The following CADPS2 variants were observed in gnomAD, a reference collection of about 807,000 sequenced individuals.
CADPS2 encodes calcium-dependent secretion activator 2.
Under a neutral mutation model 172.5 loss-of-function variants are expected in CADPS2, and 93 were observed. The observed-to-expected ratio is 0.54, with a 90% CI of 0.46 to 0.64. The LOEUF (loss-of-function observed/expected upper bound fraction) is 0.64, where lower values mean the gene tolerates loss of function less well. Among genes scored for constraint, CADPS2 ranks in the 30% least tolerant of loss-of-function variants. The pLI, the probability that CADPS2 is intolerant of heterozygous loss-of-function variation, is 0.00. For synonymous variants in CADPS2, 546 were observed against 555.2 expected (o/e 0.98, Z 0.23); for missense variants, 1,420 against 1,565.9 (o/e 0.91, Z 1.57).
At chr7:122,455,206 T>G (rs1271331248) in intron 14 of CADPS2, among the ~76,000 whole-genome samples, 3 of 152,122 alleles carry the variant, frequency 2.0e-5, no homozygotes, top group Non-Finnish European at 4.4e-5. Context: ...CCTTTGCAAG[T>G]GCTGCTGCTT....
At chr7:122,498,388 T>C (rs1294732729) in intron 9 of CADPS2, among the ~76,000 whole-genome samples, 1 of 152,228 alleles carries the variant, frequency 6.6e-6, no homozygotes, top group Admixed American at 6.5e-5. Flanking sequence ...CATGACTATA[T>C]CAATTTAAAA....
intron 2 of CADPS2, among the ~76,000 whole-genome samples, chr7:122,731,030 C>T (rs566634839): frequency 2.0e-5 from 3 of 146,976 alleles, no homozygotes; most frequent in Admixed American, 6.9e-5. Flanking sequence ...GGAATTTGTC[C>T]CATTATAAAG....
chr7:122,796,248 T>C (rs1167104610), intron 1 of CADPS2, among the ~76,000 whole-genome samples: 1 of 152,208 alleles, frequency 6.6e-6, no homozygotes, highest in Admixed American at 6.5e-5. Flanking sequence ...TGCTCATGGA[T>C]AGGAAGACTC....
chr7:122,765,850 T>C (rs1441967632), intron 1 of CADPS2, among the ~76,000 whole-genome samples: 1 of 152,076 alleles, frequency 6.6e-6, no homozygotes, highest in African/African-American at 2.4e-5. Flanking sequence ...AGCTGGCTGG[T>C]TGTGGAGCTC....
At chr7:122,697,663 T>A in intron 2 of CADPS2, 1 of 759,402 alleles carries the variant, frequency 1.3e-6, no homozygotes, top group Non-Finnish European at 2.1e-6. Context: ...GGACAAAGAA[T>A]GTATAAAATT....
intron 17 of CADPS2, among the ~76,000 whole-genome samples, chr7:122,418,656 A>G (rs1182441501): frequency 6.6e-6 from 1 of 152,154 alleles, no homozygotes; most frequent in Admixed American, 6.5e-5. Flanking sequence ...GGAAAGATGC[A>G]CAGACACTCC....
intron 1 of CADPS2, among the ~76,000 whole-genome samples, chr7:122,880,554 C>A (rs752009211): frequency 3.4e-4 from 52 of 152,104 alleles, no homozygotes; most frequent in Non-Finnish European, 7.4e-5. Flanking sequence ...TGAAAATAAG[C>A]CATTTTTCTA....
intron 8 of CADPS2, among the ~76,000 whole-genome samples, chr7:122,542,926 T>G (rs1228822713): frequency 6.6e-6 from 1 of 152,128 alleles, no homozygotes; most frequent in Non-Finnish European, 1.5e-5. Context: ...ATTTTTCAGT[T>G]ACTGTTCTCA....
chr7:122,797,162 TATATC>T (rs1200893561), intron 1 of CADPS2, among the ~76,000 whole-genome samples: 2 of 152,132 alleles, frequency 1.3e-5, no homozygotes, highest in African/African-American at 2.4e-5. Context: ...GATATCATCT[TATATC>T]AGTCAAATGG....
At chr7:122,471,895 G>A (rs763950944) in intron 13 of CADPS2, among the ~76,000 whole-genome samples, 28 of 151,986 alleles carry the variant, frequency 1.8e-4, no homozygotes, top group Non-Finnish European at 3.7e-4. Context: ...GTCTCTTTAT[G>A]AATCAATTAA....
chr7:122,375,310 G>C (rs1278205113), intron 25 of CADPS2, among the ~76,000 whole-genome samples: 38 of 151,930 alleles, frequency 2.5e-4, no homozygotes, highest in Admixed American at 2.5e-3. Context: ...CTATTACAAA[G>C]CTAAAATAAT....
chr7:122,554,564 A>G lies in CADPS2; in HGVS notation c.1461T>C (p.His487=), dbSNP rs2064775727. The G allele has an allele frequency of 6.3e-7, 1 of 1,599,256 alleles. No individual in the cohort carries two copies. Residue 487 remains histidine, a synonymous_variant, in exon 8 of 30, where the codon CAT becomes CAC. Transcript: ENST00000449022. Reference sequence around the variant, plus strand: ...TTTATACTCACCCACTATGCTTCATATGTGCTGGTTTATCCATTCGCACTG... The same window carrying G: ...TTTATACTCACCCACTATGCTTCATGTGTGCTGGTTTATCCATTCGCACTG... ...KLAVRMDKPA[H]MKHSGYLYAL...
chr7:122,726,448 T>C (rs983535204), intron 2 of CADPS2, among the ~76,000 whole-genome samples: 1 of 151,962 alleles, frequency 6.6e-6, no homozygotes, highest in Non-Finnish European at 1.5e-5. Context: ...GCTTTAAATA[T>C]GTCAAGGTGA....
intron 1 of CADPS2, among the ~76,000 whole-genome samples, chr7:122,785,889 G>C (rs1793921455): frequency 6.6e-6 from 1 of 152,192 alleles, no homozygotes; most frequent in Non-Finnish European, 1.5e-5. Context: ...CACAGCACAA[G>C]GGTTCCCTGA....
At chr7:122,694,980 T>C (rs189205693) in intron 2 of CADPS2, among the ~76,000 whole-genome samples, 1 of 152,282 alleles carries the variant, frequency 6.6e-6, no homozygotes, top group East Asian at 1.9e-4. Flanking sequence ...CCGTTAAATG[T>C]GGTGAAGGGG....
intron 8 of CADPS2, among the ~76,000 whole-genome samples, chr7:122,539,683 T>C (rs930264116): frequency 3.3e-5 from 5 of 151,910 alleles, no homozygotes; most frequent in Admixed American, 1.3e-4. Flanking sequence ...GGGAAAAAAA[T>C]GAGTATTTAG....
At chr7:122,864,846 A>G (rs890882398) in intron 1 of CADPS2, among the ~76,000 whole-genome samples, 3 of 152,146 alleles carry the variant, frequency 2.0e-5, no homozygotes, top group African/African-American at 7.2e-5. Context: ...TCTAACTCCT[A>G]CCACACTGAC....
chr7:122,595,540 T>C (rs1417156149), intron 6 of CADPS2, among the ~76,000 whole-genome samples: 1 of 152,094 alleles, frequency 6.6e-6, no homozygotes, highest in Non-Finnish European at 1.5e-5. Flanking sequence ...CTCAGCTGTT[T>C]CCAGCTACTC....
intron 6 of CADPS2, among the ~76,000 whole-genome samples, chr7:122,586,799 A>C (rs980896318): frequency 6.6e-6 from 1 of 151,996 alleles, no homozygotes; most frequent in Admixed American, 6.6e-5. Flanking sequence ...GATCCTAAAG[A>C]ATCTATTTCC....
Sources: gnomAD v4.1 joint callset for allele counts (sites outside exome capture counted in the v4.1 genomes callset) on GRCh38, gnomAD v4.1.1 for gene constraint, MANE v1.5 for transcripts, NCBI Gene and HGNC (gene_info 2026-07-23, HGNC 2026-07-21) for gene names.